TULP1: variants seen among roughly 807,000 people sequenced by gnomAD.
TULP1 encodes the protein TUB like protein 1.
TULP1 carries 50 observed loss-of-function variants against 67.1 expected under a neutral mutation model. The ratio of observed to expected loss-of-function variants is 0.75; its 90% CI spans 0.59 to 0.94. The LOEUF is 0.94. Ranked by LOEUF, TULP1 falls within the 40% of genes least tolerant of loss-of-function variation. The pLI, the probability that TULP1 is intolerant of heterozygous loss-of-function variation, is 0.00. For synonymous variants in TULP1, 297 were observed against 294.0 expected, an observed-to-expected ratio of 1.01 and a Z score of -0.11; for missense variants, 746 against 734.1, an observed-to-expected ratio of 1.02 and a Z score of -0.19.
intron 5 of TULP1, 152 bp downstream of exon 5, chr6:35,510,709 G>A (rs1280162158): frequency 1.2e-5 from 19 of 1,557,886 alleles, no homozygotes; most frequent in Non-Finnish European, 1.6e-5. Flanking sequence ...AAGGACCATC[G>A]TGGGGAGAAA....
In TULP1 at chr6:35,511,767, T is replaced by A; in HGVS notation, c.230A>T (p.Asp77Val). 1 of 1,579,750 alleles carries A rather than the reference T, an allele frequency of 6.3e-7. No individual in the cohort carries two copies. Among genetic ancestry groups the A allele is most frequent in the Non-Finnish European group, 8.6e-7 (1 of 1,163,176 alleles). Residue 77 changes from aspartate to valine, a missense_variant, in exon 4 of 15, where the codon GAC becomes GTC. Coordinates refer to ENST00000229771, the MANE Select transcript of TULP1 (RefSeq NM_003322.6). ...CTGCGGCGCCCGGGCCTGGGCTGGG[T>A]CTGGGGAAGGCTCCTCCCGCGGCCT... ...TGRPREEPSP[D>V]PAQARAPQTV... is the part of the protein sequence containing the mutation.
intron 5 of TULP1, 84 bp from the exon 6 acceptor site, chr6:35,510,012 G>T: frequency 1.5e-6 from 2 of 1,348,622 alleles, no homozygotes; most frequent in Non-Finnish European, 1.1e-6. Context: ...CCTGCCTATA[G>T]TCCCCAGGGA....
rs753754711 is a variant in TULP1 at position 35,509,948 on chromosome 6, G to T, written c.500-20C>A. On this transcript the variant is annotated intron_variant, in intron 5 of 14. Transcript: ENST00000229771. ...GGTCTCCTGGAAATGGAAGATGGGG[G>T]TCAGGCAAAGAAGGTGTCTACTGGG... 9.6e-5 allele frequency: 155 copies of T among 1,611,678 alleles called. No homozygotes were observed. The highest frequency in any genetic ancestry group is 2.2e-4 in the Admixed American group (13 of 59,990).
At chr6:35,505,959 C>T (rs763481848) in intron 10 of TULP1, 44 bp downstream of exon 10, 38 of 1,613,966 alleles carry the variant, frequency 2.4e-5, no homozygotes, top group South Asian at 1.4e-4. Flanking sequence ...GCCCCCATGC[C>T]GGATCCCTCC....
rs1761041498 is a variant in TULP1 at position 35,504,432 on chromosome 6, G to A, written c.1113-584C>T. Reference sequence around the variant, plus strand: ...TCCATCTCTTACTATTACTAGCTGTGAGATCTTAGGCAAGGTATTTAAACT... The same window carrying A: ...TCCATCTCTTACTATTACTAGCTGTAAGATCTTAGGCAAGGTATTTAAACT... On this transcript the variant is annotated intron_variant, in intron 11 of 14. Transcript: ENST00000229771. Among the ~76,000 whole-genome samples, 3 of 152,176 alleles carry A rather than the reference G, an allele frequency of 2.0e-5. No homozygotes were observed. In the South Asian group the frequency reaches 6.2e-4, roughly 31 times the overall value.
At position 35,498,424 on chromosome 6, in the gene TULP1, T is replaced by C. The variant is rs1237035911; in HGVS notation, c.1532A>G (p.Glu511Gly). The C allele has an allele frequency of 8.1e-6, 13 of 1,613,936 alleles. No homozygotes were observed. Among genetic ancestry groups the C allele is most frequent in the Non-Finnish European group, 1.1e-5 (13 of 1,180,020 alleles). Residue 511 changes from glutamate to glycine, a missense_variant, in exon 15 of 15, where the codon GAG becomes GGG. By Grantham distance (98) the Glu-to-Gly change is moderately conservative. Transcript: ENST00000229771. This position sits in a 1 kb window ranked among gnomAD's most constrained non-coding sequence, Gnocchi z 6.7. Reference protein sequence around the residue: ...YIVLQFGRVAEDAFTLDYRYP... With the variant: ...YIVLQFGRVAGDAFTLDYRYP... Reference sequence around the variant, plus strand: ...CCGGTAGTCTAGGGTGAAGGCGTCCTCCGCCACGCGGCCGAACTGCAGCAC... The same window carrying C: ...CCGGTAGTCTAGGGTGAAGGCGTCCCCCGCCACGCGGCCGAACTGCAGCAC...
At position 35,500,043 on chromosome 6, in the gene TULP1, T is replaced by G. The variant is rs138537513; in HGVS notation, c.1433A>C (p.Asn478Thr). ...WNDDSGSYTL[N>T]FQGRVTQASV... is the part of the protein sequence containing the mutation. ...GGCCTGGGTGACCCGGCCTTGGAAGTTGAGGGTGTAGGAGCCACTGTCATC... is the reference window on the plus strand; with the variant it reads ...GGCCTGGGTGACCCGGCCTTGGAAGGTGAGGGTGTAGGAGCCACTGTCATC... Residue 478 changes from asparagine to threonine, a missense_variant, in exon 14 of 15, where the codon AAC becomes ACC. Physicochemically the swap from Asn to Thr is moderately conservative, Grantham distance 65. Around this residue, in one of 3 missense-constraint regions of TULP1, gnomAD observed 383 missense variants for 374.1 expected, o/e 1.02. Transcript: ENST00000229771. 1 of 1,613,926 alleles carries G rather than the reference T, an allele frequency of 6.2e-7. No individual in the cohort carries two copies. The highest frequency in any genetic ancestry group is 1.7e-5 in the Admixed American group (1 of 59,980).
chr6:35,503,873 T>G lies in TULP1; in HGVS notation c.1113-25A>C. 1.3e-6 allele frequency: 2 copies of G among 1,572,340 alleles called. No homozygotes were observed. The highest frequency in any genetic ancestry group is 1.7e-6 in the Non-Finnish European group (2 of 1,158,312). On this transcript the variant is annotated intron_variant, in intron 11 of 14. Coordinates refer to ENST00000229771, the MANE Select transcript of TULP1 (RefSeq NM_003322.6). This position sits in a 1 kb window ranked among gnomAD's most constrained non-coding sequence, Gnocchi z 4.0. ...CCTGCAAGCAGGGTAGAGCTTGGGG[T>G]GGGGCTGAGGGGATCCTACATCCCT...
chr6:35,503,896 C>G lies in TULP1; in HGVS notation c.1113-48G>C. 1 of 1,449,722 alleles carries G rather than the reference C, an allele frequency of 6.9e-7. No homozygotes were observed. The highest frequency in any genetic ancestry group is 9.4e-7 in the Non-Finnish European group (1 of 1,059,614). 89.8% of individuals were successfully genotyped at this position (1,449,722 alleles called of 1,614,324 possible). On this transcript the variant is annotated intron_variant, in intron 11 of 14. Transcript: ENST00000229771. The surrounding 1 kb of genome is among the most constrained non-coding windows in gnomAD (Gnocchi z 4.0). ...GGTGGGGCTGAGGGGATCCTACATC[C>G]CTGCCCCAGGCCCCTTCCACACAGC... is the stretch of plus-strand genomic sequence containing the variant.
chr6:35,502,520 G>A (rs754102616), intron 13 of TULP1, among the ~76,000 whole-genome samples: 4 of 150,952 alleles, frequency 2.6e-5, no homozygotes, highest in African/African-American at 9.8e-5. Context: ...TTGAGACAGA[G>A]TGTCGCTCTG....
At position 35,506,270 on chromosome 6, in the gene TULP1, T is replaced by C; in HGVS notation, c.828+4A>G. The stretch of plus-strand genomic sequence containing the variant: ...GACACGGGCAGCCCGGCAGGACAAC[T>C]CACCGCTTTCTGTGTGCGGAGAGAA... On this transcript the variant is annotated splice_donor_region_variant and intron_variant, in intron 9 of 14. Transcript: ENST00000229771. The C allele has an allele frequency of 6.3e-7, 1 of 1,585,008 alleles. No individual in the cohort carries two copies. The highest frequency in any genetic ancestry group is 2.3e-5 in the East Asian group (1 of 43,324).
chr6:35,507,109 AG>A (rs752491232), intron 8 of TULP1, among the ~76,000 whole-genome samples: 13 of 151,238 alleles, frequency 8.6e-5, no homozygotes, highest in Non-Finnish European at 1.6e-4. Context: ...GGCCACTCCA[AG>A]GTTAGGTCAT....
At chr6:35,510,060 T>C in intron 5 of TULP1, 132 bp from the exon 6 acceptor site, 1 of 791,898 alleles carries the variant, frequency 1.3e-6, no homozygotes, top group Non-Finnish European at 2.0e-6. Context: ...CCTGCCTTCT[T>C]TTTCTTTTTT....
chr6:35,509,970 T>C, intron 5 of TULP1, 42 bp from the exon 6 acceptor site: 9 of 1,598,048 alleles, frequency 5.6e-6, no homozygotes, highest in African/African-American at 1.3e-5. Flanking sequence ...AGGTGTCTAC[T>C]GGGGCTGAAG....
At position 35,506,141 on chromosome 6, in the gene TULP1, C is replaced by A; in HGVS notation, c.861G>T (p.Glu287Asp). The A allele has an allele frequency of 6.2e-7, 1 of 1,613,734 alleles. No homozygotes were observed. The highest frequency in any genetic ancestry group is 8.5e-7 in the Non-Finnish European group (1 of 1,179,954). ...KEERAPSPPVEVDEPREFVLR... is the reference protein window; with the variant it reads ...KEERAPSPPVDVDEPREFVLR... ...GCACAAACTCCCGGGGTTCGTCCAC[C>A]TCCACGGGGGGAGACGGGGCCCTCT... is the stretch of plus-strand genomic sequence containing the variant. The change falls in exon 10 of 15, where the codon GAG (glutamate) becomes GAT (aspartate). Residue 287 changes from glutamate (E) to aspartate (D), a missense_variant. Coordinates refer to ENST00000229771, the MANE Select transcript of TULP1 (RefSeq NM_003322.6).
Position 35,512,849 on chromosome 6 carries a change from G to A in TULP1, c.10C>T (p.Arg4Trp). The A allele has an allele frequency of 3.1e-6, 5 of 1,607,236 alleles. No homozygotes were observed. The highest frequency in any genetic ancestry group is 2.2e-5 in the South Asian group (2 of 90,822). MPL[R>W]DETLREVWAS... is the part of the protein sequence containing the mutation. ...CACACCTCTCGGAGGGTTTCATCCCGCAGAGGCATGGTGCCTTTGCCTATC... is the reference window on the plus strand; with the variant it reads ...CACACCTCTCGGAGGGTTTCATCCCACAGAGGCATGGTGCCTTTGCCTATC... The change falls in exon 1 of 15, where the codon CGG becomes TGG. Residue 4 changes from arginine to tryptophan, a missense_variant. Physicochemically the swap from Arg to Trp is moderately radical, Grantham distance 101. This residue lies in a region of TULP1 where 359 missense variants were observed against 341.9 expected (regional missense o/e 1.05). Transcript: ENST00000229771.
At chr6:35,501,679 G>A (rs1394925323) in intron 13 of TULP1, among the ~76,000 whole-genome samples, 1 of 152,090 alleles carries the variant, frequency 6.6e-6, no homozygotes, top group Non-Finnish European at 1.5e-5. Context: ...GAGCATGGTG[G>A]TATGCACCTG....
chr6:35,502,523 T>C (rs1040235354), intron 13 of TULP1, among the ~76,000 whole-genome samples: 29 of 151,454 alleles, frequency 1.9e-4, no homozygotes, highest in African/African-American at 7.0e-4. Flanking sequence ...AGACAGAGTG[T>C]CGCTCTGTTG....
rs1761009652 is a variant in TULP1, at chr6:35,503,445, G to T, written c.1323+114C>A. 4 of 1,097,668 alleles carry T rather than the reference G, an allele frequency of 3.6e-6. No homozygotes were observed. Among genetic ancestry groups the T allele is most frequent in the Non-Finnish European group, 5.4e-6 (4 of 747,528 alleles). 68.0% of individuals were successfully genotyped at this position (1,097,668 alleles called of 1,614,324 possible). A position where few individuals can be genotyped will look rare whatever the true frequency, so the allele number is the denominator to read the frequency against. ...AGTCCATTCCCTAGGTGGCCAGAAT[G>T]AATTTGTGTTGGAGGGTGATGGATG... On this transcript the variant is annotated intron_variant, in intron 13 of 14. Coordinates refer to ENST00000229771, the MANE Select transcript of TULP1 (RefSeq NM_003322.6). The surrounding 1 kb of genome is among the most constrained non-coding windows in gnomAD (Gnocchi z 4.0).
Sources: gnomAD v4.1 joint callset for allele counts (sites outside exome capture counted in the v4.1 genomes callset) on GRCh38, gnomAD v4.1.1 for gene constraint, gnomAD v4.1.1 regional missense constraint, Gnocchi (gnomAD v3.1) non-coding constraint, MANE v1.5 for transcripts, NCBI Gene and HGNC (gene_info 2026-07-23, HGNC 2026-07-21) for gene names.